The following LIMS1 variants were observed in gnomAD, a reference collection of about 807,000 sequenced individuals.
LIMS1 encodes LIM and senescent cell antigen-like-containing domain protein 1.
LIMS1 carries 18 observed loss-of-function variants against 44.1 expected under a neutral mutation model. The ratio of observed to expected loss-of-function variants is 0.41; its 90% CI spans 0.28 to 0.61. LIMS1 has a LOEUF of 0.61. LIMS1 is among the 20% of genes least tolerant of loss of function. LIMS1 has a pLI of 0.32. For missense variants in LIMS1, 201 were observed against 422.0 expected (o/e 0.48, Z 4.59); for synonymous variants, 93 against 149.1 (o/e 0.62, Z 2.74).
intron 1 of LIMS1, chr2:108,655,092 A>T (rs531059043): frequency 2.1e-5 from 34 of 1,610,688 alleles, no homozygotes; most frequent in Non-Finnish European, 2.8e-5. Flanking sequence ...TCTCAGGCCG[A>T]GCGCGCCCCT....
chr2:108,632,954 T>C (rs1256543270), intron 1 of LIMS1, among the ~76,000 whole-genome samples: 1 of 152,196 alleles, frequency 6.6e-6, no homozygotes, highest in Non-Finnish European at 1.5e-5. Flanking sequence ...CATTATGATA[T>C]TGTTCTTCTG....
chr2:108,582,540 C>T (rs1685927863), intron 1 of LIMS1, among the ~76,000 whole-genome samples: 2 of 152,062 alleles, frequency 1.3e-5, no homozygotes, highest in African/African-American at 4.8e-5. Context: ...AGGCCAAGGT[C>T]GGTGGATCAC....
intron 1 of LIMS1, among the ~76,000 whole-genome samples, chr2:108,565,902 A>G (rs1358120905): frequency 6.6e-6 from 1 of 152,180 alleles, no homozygotes; most frequent in Admixed American, 6.5e-5. Flanking sequence ...ACAAAGCACT[A>G]TTCTCATCTG....
chr2:108,612,266 C>T (rs1687698980), intron 1 of LIMS1, among the ~76,000 whole-genome samples: 2 of 151,834 alleles, frequency 1.3e-5, no homozygotes, highest in African/African-American at 2.4e-5. Context: ...GCTGCTTGAC[C>T]AGCTTGAGCT....
intron 1 of LIMS1, among the ~76,000 whole-genome samples, chr2:108,539,148 A>G (rs956357161): frequency 2.0e-5 from 3 of 152,170 alleles, no homozygotes; most frequent in African/African-American, 7.2e-5. Flanking sequence ...AAGTGGTGCA[A>G]TCATGGCTCA....
intron 2 of LIMS1, among the ~76,000 whole-genome samples, chr2:108,664,935 A>G (rs963753335): frequency 3.3e-5 from 5 of 152,190 alleles, no homozygotes; most frequent in Non-Finnish European, 7.4e-5. Context: ...TTATATTCAC[A>G]ATAGTACTTC....
At chr2:108,642,353 T>G (rs1220548391) in intron 1 of LIMS1, among the ~76,000 whole-genome samples, 119 of 10,576 alleles carry the variant, frequency 0.011, 3 homozygotes, top group African/African-American at 0.015. Context: ...TTTTTTTTTT[T>G]TTTTGTTTTT....
chr2:108,636,333 G>T (rs908505348), intron 1 of LIMS1, among the ~76,000 whole-genome samples: 3 of 152,234 alleles, frequency 2.0e-5, no homozygotes, highest in African/African-American at 7.2e-5. Context: ...GCTGCTGGCT[G>T]CATGCACCAT....
chr2:108,638,639 C>G (rs1329913944), intron 1 of LIMS1, among the ~76,000 whole-genome samples: 1 of 152,040 alleles, frequency 6.6e-6, no homozygotes. Flanking sequence ...TCCAGCTACT[C>G]AGGAGGCTGA....
chr2:108,665,275 A>G lies in LIMS1; in HGVS notation c.193-5506A>G, dbSNP rs2438779. 7.4e-4 allele frequency among the ~76,000 whole-genome samples: 112 copies of G among 152,316 alleles called. 2 individuals are homozygous for G. The highest frequency in any genetic ancestry group is 3.5e-3 in the Admixed American group (53 of 15,296). On this transcript the variant is annotated intron_variant, in intron 2 of 9. Coordinates refer to ENST00000544547, the Ensembl canonical transcript of LIMS1. ...ACATCTAGTCTATATGGTATGGCCT[A>G]TCCCTCCTAGGCTACAAACCTGTAC...
At chr2:108,546,334 G>A (rs908584423) in intron 1 of LIMS1, among the ~76,000 whole-genome samples, 1 of 141,404 alleles carries the variant, frequency 7.1e-6, no homozygotes, top group South Asian at 2.4e-4. Flanking sequence ...TGGAGTGTGT[G>A]CAGTGGATCG....
intron 1 of LIMS1, among the ~76,000 whole-genome samples, chr2:108,578,657 G>A (rs1042564773): frequency 1.5e-5 from 2 of 136,786 alleles, no homozygotes; most frequent in Non-Finnish European, 3.0e-5. Context: ...GCAGTGGCAC[G>A]ATCTCAGCTC....
At chr2:108,564,041 CAAAAAAA>C (rs201454363) in intron 1 of LIMS1, among the ~76,000 whole-genome samples, 15 of 92,404 alleles carry the variant, frequency 1.6e-4, no homozygotes, top group Admixed American at 1.1e-3. Context: ...GACCCTGTCT[CAAAAAAA>C]AAAAAAAAAA....
At chr2:108,637,111 G>A (rs1573514992) in intron 1 of LIMS1, among the ~76,000 whole-genome samples, 2 of 149,662 alleles carry the variant, frequency 1.3e-5, no homozygotes, top group African/African-American at 2.5e-5. Context: ...GTGTGTGTGT[G>A]TGTGTGTGTG....
At chr2:108,627,400 G>GTTT (rs58261864) in intron 1 of LIMS1, among the ~76,000 whole-genome samples, 3 of 107,052 alleles carry the variant, frequency 2.8e-5, no homozygotes, top group Non-Finnish European at 3.8e-5. Context: ...TCCCTTTCTG[G>GTTT]TTTTTTTTTT....
intron 1 of LIMS1, among the ~76,000 whole-genome samples, chr2:108,636,506 G>A (rs901038391): frequency 6.6e-6 from 1 of 152,186 alleles, no homozygotes; most frequent in Non-Finnish European, 1.5e-5. Flanking sequence ...TCTTCCTCCT[G>A]CAGTGTCTCT....
intron 1 of LIMS1, among the ~76,000 whole-genome samples, chr2:108,637,958 C>T (rs1452534681): frequency 5.9e-5 from 9 of 151,560 alleles, no homozygotes; most frequent in Non-Finnish European, 8.8e-5. Context: ...CAGGCTCAAG[C>T]GATCCTCCTA....
chr2:108,667,538 TAAAAA>T (rs546617468), intron 2 of LIMS1, among the ~76,000 whole-genome samples: 4 of 128,548 alleles, frequency 3.1e-5, no homozygotes, highest in African/African-American at 1.2e-4. Context: ...CAACCTTTTT[TAAAAA>T]AAAAAAAAAT....
At chr2:108,633,721 G>A (rs1042666915) in intron 1 of LIMS1, among the ~76,000 whole-genome samples, 2 of 152,192 alleles carry the variant, frequency 1.3e-5, no homozygotes, top group Non-Finnish European at 2.9e-5. Flanking sequence ...GTGCATGTTT[G>A]CCATTCTGAA....
Sources: gnomAD v4.1 joint callset for allele counts (sites outside exome capture counted in the v4.1 genomes callset) on GRCh38, gnomAD v4.1.1 for gene constraint, MANE v1.5 for transcripts, NCBI Gene and HGNC (gene_info 2026-07-23, HGNC 2026-07-21) for gene names.